The following LMBRD1 variants were observed in gnomAD, a reference collection of about 807,000 sequenced individuals.
LMBRD1 encodes the protein LMBR1 domain containing 1.
Under a neutral mutation model 74.8 loss-of-function variants are expected in LMBRD1, and 64 were observed. The ratio of observed to expected loss-of-function variants is 0.86; its 90% confidence interval spans 0.70 to 1.05. LMBRD1 has a LOEUF of 1.05. LMBRD1 is among the 50% of genes least tolerant of loss of function. The pLI is 0.00. For missense variants in LMBRD1, 652 were observed against 645.9 expected, an observed-to-expected ratio of 1.01 and a Z score of -0.10; for synonymous variants, 204 against 216.3, an observed-to-expected ratio of 0.94 and a Z score of 0.50.
chr6:69,740,651 T>TA (rs1767081547), intron 6 of LMBRD1, among the ~76,000 whole-genome samples: 6 of 152,176 alleles, frequency 3.9e-5, no homozygotes. Flanking sequence ...CTGCAAGACT[T>TA]AATTTAATCA....
intron 15 of LMBRD1, 79 bp from the exon 16 acceptor site, chr6:69,676,350 G>C: frequency 6.3e-7 from 1 of 1,575,918 alleles, no homozygotes; most frequent in East Asian, 2.3e-5. Context: ...TTCAATGACA[G>C]TACTATGATA....
At chr6:69,762,851 C>T (rs12210941) in intron 3 of LMBRD1, among the ~76,000 whole-genome samples, 1 of 152,154 alleles carries the variant, frequency 6.6e-6, no homozygotes, top group African/African-American at 2.4e-5. Flanking sequence ...TCCGCCAGGA[C>T]TGAAGTTGTT....
chr6:69,796,094 T>C (rs1766219993), intron 1 of LMBRD1, among the ~76,000 whole-genome samples: 1 of 152,122 alleles, frequency 6.6e-6, no homozygotes, highest in Non-Finnish European at 1.5e-5. Context: ...CTCTGAGACA[T>C]TTCTATCTAC....
intron 5 of LMBRD1, among the ~76,000 whole-genome samples, chr6:69,747,899 C>T (rs188771930): frequency 3.0e-4 from 45 of 152,260 alleles, no homozygotes; most frequent in African/African-American, 9.9e-4. Flanking sequence ...ATTTCAAGAC[C>T]TTTTGTCAAT....
intron 3 of LMBRD1, among the ~76,000 whole-genome samples, chr6:69,766,613 T>C (rs973159141): frequency 4.6e-5 from 7 of 151,880 alleles, no homozygotes; most frequent in African/African-American, 1.7e-4. Context: ...TTTCCCTTTC[T>C]TGTGATGTCT....
At chr6:69,740,103 CTCAA>C (rs35451541) in intron 6 of LMBRD1, among the ~76,000 whole-genome samples, 76 of 151,576 alleles carry the variant, frequency 5.0e-4, no homozygotes, top group African/African-American at 1.6e-3. Context: ...AAGACTCCGT[CTCAA>C]TCAATCAATC....
rs977012929 is a variant in LMBRD1 at position 69,730,186 on chromosome 6, A to G, written c.636+7756T>C. 7.9e-5 allele frequency among the ~76,000 whole-genome samples: 12 copies of G among 152,118 alleles called. 1 individual carries two copies. Among genetic ancestry groups the G allele is most frequent in the Admixed American group, 6.5e-4 (10 of 15,268 alleles). ...GAAAACTAAAATGTTTTAAAATAAT[A>G]TATACAAACTACATTCCTAATAACT... On this transcript the variant is annotated intron_variant, in intron 7 of 15. Transcript: ENST00000649934.
At chr6:69,701,004 C>T in intron 11 of LMBRD1, 135 bp from the exon 12 acceptor site, 1 of 605,128 alleles carries the variant, frequency 1.7e-6, no homozygotes, top group South Asian at 4.5e-5. Context: ...GATTAGGCTA[C>T]TGTGCTTAAA....
intron 14 of LMBRD1, among the ~76,000 whole-genome samples, chr6:69,691,936 G>A (rs1765891996): frequency 6.6e-6 from 1 of 150,676 alleles, no homozygotes; most frequent in South Asian, 2.1e-4. Flanking sequence ...TATAGAGACT[G>A]TATTTTGAAT....
intron 11 of LMBRD1, 115 bp from the exon 12 acceptor site, chr6:69,700,984 C>A: frequency 1.3e-6 from 1 of 753,722 alleles, no homozygotes; most frequent in African/African-American, 1.8e-5. Context: ...ACAGTATCAA[C>A]CTTGATTTAG....
chr6:69,756,138 A>T (rs1010654127), intron 3 of LMBRD1, among the ~76,000 whole-genome samples: 1 of 152,200 alleles, frequency 6.6e-6, no homozygotes, highest in African/African-American at 2.4e-5. Context: ...AGGCAGGCAG[A>T]TCACCTGAGT....
At chr6:69,726,139 T>A (rs1766730064) in intron 7 of LMBRD1, among the ~76,000 whole-genome samples, 1 of 152,196 alleles carries the variant, frequency 6.6e-6, no homozygotes, top group East Asian at 1.9e-4. Flanking sequence ...GTGCTCAACA[T>A]CACTGATCAT....
At chr6:69,684,746 G>C (rs759211649) in intron 14 of LMBRD1, among the ~76,000 whole-genome samples, 4 of 152,024 alleles carry the variant, frequency 2.6e-5, no homozygotes, top group Non-Finnish European at 4.4e-5. Context: ...GATTTGTAAA[G>C]CTGAGCAGCA....
intron 14 of LMBRD1, among the ~76,000 whole-genome samples, chr6:69,681,493 T>G (rs1765659565): frequency 6.6e-6 from 1 of 152,036 alleles, no homozygotes; most frequent in Admixed American, 6.6e-5. Flanking sequence ...CCTTTTATTT[T>G]AAATACATAT....
chr6:69,705,528 T>G, intron 9 of LMBRD1: 1 of 1,292,650 alleles, frequency 7.7e-7, no homozygotes. Context: ...TGATGATGGT[T>G]TTGAGTCTTT....
At chr6:69,771,387 C>A (rs1193364673) in intron 3 of LMBRD1, among the ~76,000 whole-genome samples, 7 of 152,148 alleles carry the variant, frequency 4.6e-5, no homozygotes, top group African/African-American at 1.7e-4. Context: ...TTAATATGAG[C>A]AAGCAAGAGA....
chr6:69,701,737 G>A (rs1228914420), intron 10 of LMBRD1, 152 bp downstream of exon 10: 9 of 687,096 alleles, frequency 1.3e-5, no homozygotes, highest in African/African-American at 1.8e-5. Flanking sequence ...ATTATTGGAC[G>A]TTTTAGCCAT....
At position 69,758,964 on chromosome 6, in the gene LMBRD1, T is replaced by A. The variant is rs528593122; in HGVS notation, c.308-6608A>T. 5.9e-5 allele frequency among the ~76,000 whole-genome samples: 9 copies of A among 152,162 alleles called. No homozygotes were observed. The East Asian group carries it at 1.7e-3, about 29-fold the overall frequency. ...TCCCCTAATAGGGTCAATCACTCCA[T>A]CTGATATGGTAACTATTCACTGGAA... On this transcript the variant is annotated intron_variant, in intron 3 of 15. Transcript: ENST00000649934.
chr6:69,675,345 C>T lies in LMBRD1; in HGVS notation c.*813G>A, dbSNP rs1044411982. ...TACTGATGTCATACAGCTTTCATTA[C>T]ATCTTTTGCAAATTTCAAATCTTTA... On this transcript the variant is annotated 3_prime_UTR_variant, in exon 16 of 16. Coordinates refer to ENST00000649934, the MANE Select transcript of LMBRD1 (RefSeq NM_018368.4). 6.6e-6 allele frequency among the ~76,000 whole-genome samples: 1 copy of T among 152,144 alleles called. No homozygotes were observed. The highest frequency in any genetic ancestry group is 1.5e-5 in the Non-Finnish European group (1 of 68,012).
Sources: allele counts gnomAD v4.1 joint callset (sites outside exome capture counted in the v4.1 genomes callset), GRCh38; gene constraint gnomAD v4.1.1; transcripts MANE v1.5; gene names NCBI Gene and HGNC (gene_info 2026-07-23, HGNC 2026-07-21).